The following TFAP2E variants were observed in gnomAD, a reference collection of about 807,000 sequenced individuals.
TFAP2E encodes transcription factor AP-2 epsilon.
In TFAP2E, 30 loss-of-function variants were observed where a neutral mutation model predicts 37.9. The observed-to-expected ratio is 0.79, with a 90% CI of 0.59 to 1.07. The LOEUF is 1.07. TFAP2E is among the 50% of genes least tolerant of loss of function. The pLI is 0.00. For missense variants in TFAP2E, 567 were observed against 637.9 expected (o/e 0.89, Z 1.20); for synonymous variants, 318 against 295.8 (o/e 1.08, Z -0.77).
chr1:35,586,731 A>C (rs1271760341), intron 3 of TFAP2E, among the ~76,000 whole-genome samples: 1 of 152,120 alleles, frequency 6.6e-6, no homozygotes, highest in Non-Finnish European at 1.5e-5. Flanking sequence ...AGAGGGTATC[A>C]CAGAGGTTTC....
chr1:35,581,800 G>A (rs1464949487), intron 3 of TFAP2E, among the ~76,000 whole-genome samples: 1 of 151,892 alleles, frequency 6.6e-6, no homozygotes, highest in Non-Finnish European at 1.5e-5. Context: ...CTGAACTCCC[G>A]ACCTCAGGTG....
chr1:35,591,764 G>GCAA (rs989278333), intron 6 of TFAP2E, among the ~76,000 whole-genome samples: 12 of 152,292 alleles, frequency 7.9e-5, no homozygotes, highest in Non-Finnish European at 1.5e-4. Flanking sequence ...TCAGCTCACT[G>GCAA]CAACCTCCAC....
chr1:35,594,658 T>C lies in TFAP2E; in HGVS notation c.1311T>C (p.Asp437=), dbSNP rs1210271867. The C allele has an allele frequency of 3.7e-6, 6 of 1,614,026 alleles. No individual in the cohort carries two copies. Among genetic ancestry groups the C allele is most frequent in the Non-Finnish European group, 5.1e-6 (6 of 1,180,034 alleles). The change falls in exon 7 of 7, where the codon GAT becomes GAC. Residue 437 remains aspartate, a synonymous_variant. Coordinates refer to ENST00000373235, the MANE Select transcript of TFAP2E (RefSeq NM_178548.4). ...GHGETKASEK[D]AKHRK is the part of the protein sequence containing the mutation. ...GTGAAACCAAGGCTTCGGAGAAGGA[T>C]GCCAAGCATCGGAAATAACTGCTTC... is the stretch of plus-strand genomic sequence containing the variant.
intron 6 of TFAP2E, among the ~76,000 whole-genome samples, chr1:35,593,951 G>A (rs1235185990): frequency 1.3e-5 from 2 of 152,172 alleles, no homozygotes; most frequent in African/African-American, 4.8e-5. Context: ...CAGTGTGGTT[G>A]GCACAGCATC....
rs1469161285 is a variant in TFAP2E, at chr1:35,588,510, C to T, written c.743C>T (p.Pro248Leu). ...VGEVQRRLSPPECLNASLLGG... is the reference protein window; with the variant it reads ...VGEVQRRLSPLECLNASLLGG... ...GAGGTGCAGCGGCGACTCTCGCCTC[C>T]CGAGTGCCTCAACGCCTCCCTCCTG... The change falls in exon 4 of 7, where the codon CCC (proline) becomes CTC (leucine). Residue 248 changes from proline to leucine, a missense_variant. Coordinates refer to ENST00000373235, the MANE Select transcript of TFAP2E (RefSeq NM_178548.4). The surrounding 1 kb of genome is among the most constrained non-coding windows in gnomAD (Gnocchi z 5.1). 1 of 1,604,578 alleles carries T rather than the reference C, an allele frequency of 6.2e-7. No individual in the cohort carries two copies. Among genetic ancestry groups the T allele is most frequent in the Admixed American group, 1.7e-5 (1 of 59,860 alleles).
At chr1:35,592,619 C>T (rs1045564378) in intron 6 of TFAP2E, among the ~76,000 whole-genome samples, 1 of 152,130 alleles carries the variant, frequency 6.6e-6, no homozygotes, top group African/African-American at 2.4e-5. Flanking sequence ...TCTCAAACTC[C>T]CGACCTCACA....
intron 2 of TFAP2E, 121 bp from the exon 3 acceptor site, chr1:35,574,828 C>G: frequency 1.5e-6 from 2 of 1,377,414 alleles, no homozygotes; most frequent in Non-Finnish European, 2.1e-6. Context: ...CCCGTCGCCG[C>G]CCCAAGCGAA....
rs1440495313 is a variant in TFAP2E at position 35,590,034 on chromosome 1, C to T, written c.890C>T (p.Thr297Ile). The T allele has an allele frequency of 6.2e-7, 1 of 1,614,018 alleles. No homozygotes were observed. The highest frequency in any genetic ancestry group is 1.1e-5 in the South Asian group (1 of 91,054). The change falls in exon 5 of 7, where the codon ACT (threonine) becomes ATT (isoleucine). Residue 297 changes from threonine to isoleucine, a missense_variant. By Grantham distance (89) the Thr-to-Ile change is moderately conservative (BLOSUM62 -1). Transcript: ENST00000373235. This position sits in a 1 kb window ranked among gnomAD's most constrained non-coding sequence, Gnocchi z 6.2. The part of the protein sequence containing the change: ...RRKAANVTLL[T>I]SLVEGEAVHL... ...AAGGCCGCCAATGTGACGCTGCTGA[C>T]TTCGCTAGTGGAAGGTGAGTGAGGC...
intron 3 of TFAP2E, among the ~76,000 whole-genome samples, chr1:35,587,550 A>G (rs1284326518): frequency 6.8e-6 from 1 of 147,992 alleles, no homozygotes; most frequent in Non-Finnish European, 1.5e-5. Context: ...AGGCAGAAGA[A>G]TCGCTTGAAC....
chr1:35,574,480 G>A lies in TFAP2E; in HGVS notation c.510+71G>A, dbSNP rs1649112032. 5 of 1,349,112 alleles carry A rather than the reference G, an allele frequency of 3.7e-6. No homozygotes were observed. In the South Asian group the frequency reaches 9.0e-5, roughly 24 times the overall value. The allele number at this position is 1,349,112 out of a possible 1,614,324, so 83.6% of individuals were successfully genotyped here. On this transcript the variant is annotated intron_variant, in intron 2 of 6. Coordinates refer to ENST00000373235, the MANE Select transcript of TFAP2E (RefSeq NM_178548.4). ...TTTACTACCATGGCTGGAGGCAGAA[G>A]GTGACAAATGCAGGAAGCCGACTTT...
At chr1:35,579,161 C>T (rs1364456356) in intron 3 of TFAP2E, among the ~76,000 whole-genome samples, 2 of 145,952 alleles carry the variant, frequency 1.4e-5, no homozygotes, top group Non-Finnish European at 3.0e-5. Context: ...TTTGGGAGGC[C>T]GAGGCGGGTG....
chr1:35,574,665 C>A, intron 2 of TFAP2E: 2 of 676,444 alleles, frequency 3.0e-6, no homozygotes, highest in Non-Finnish European at 4.9e-6. Context: ...TTTCTCCCCG[C>A]TGCCACGTGT....
At chr1:35,574,449 C>A in intron 2 of TFAP2E, 40 bp downstream of exon 2, 1 of 1,366,414 alleles carries the variant, frequency 7.3e-7, no homozygotes, top group Non-Finnish European at 9.4e-7. Context: ...GGACTGGCCG[C>A]GGTGGTTTAC....
In TFAP2E at chr1:35,577,885, G is replaced by A. The variant is rs113182917; in HGVS notation, c.562+2885G>A. Among the ~76,000 whole-genome samples, 32 of 152,230 alleles carry A rather than the reference G, an allele frequency of 2.1e-4. No individual in the cohort carries two copies. The highest frequency in any genetic ancestry group is 4.3e-4 in the Non-Finnish European group (29 of 68,038). Reference sequence around the variant, plus strand: ...GGCAGGGCTGAGGCCGACCCTAGGAGTATAAGGGAGCCCTCCATTTCCTGC... The same window carrying A: ...GGCAGGGCTGAGGCCGACCCTAGGAATATAAGGGAGCCCTCCATTTCCTGC... On this transcript the variant is annotated intron_variant, in intron 3 of 6. Coordinates refer to ENST00000373235, the MANE Select transcript of TFAP2E (RefSeq NM_178548.4). This position sits in a 1 kb window ranked among gnomAD's most constrained non-coding sequence, Gnocchi z 6.3.
At chr1:35,591,535 C>G (rs1365741313) in intron 6 of TFAP2E, among the ~76,000 whole-genome samples, 2 of 152,194 alleles carry the variant, frequency 1.3e-5, no homozygotes, top group Non-Finnish European at 2.9e-5. Context: ...TGGACCTTCA[C>G]CCCAGAGCGT....
intron 3 of TFAP2E, among the ~76,000 whole-genome samples, chr1:35,587,039 A>G (rs934926418): frequency 6.6e-6 from 1 of 152,184 alleles, no homozygotes; most frequent in East Asian, 1.9e-4. Flanking sequence ...GGGAATAGTG[A>G]TAAGTGTAGC....
chr1:35,589,785 A>G (rs1649598601), intron 4 of TFAP2E, 145 bp from the exon 5 acceptor site: 2 of 777,848 alleles, frequency 2.6e-6, no homozygotes, highest in Non-Finnish European at 4.3e-6. Flanking sequence ...CCCTTGCTGA[A>G]AGAGACCTCA....
chr1:35,595,140 AAGG>A lies in TFAP2E; in HGVS notation c.*468_*470del. ...CCTACCCCCAGAAAAGGGGTGCTGG[AAGG>A]AGGCCCCAGTGGACTCTTTGTACCC... On this transcript the variant is annotated 3_prime_UTR_variant, in exon 7 of 7. Transcript: ENST00000373235. 1 of 208,474 alleles carries A rather than the reference AAGG, an allele frequency of 4.8e-6. No homozygotes were observed. Among genetic ancestry groups the A allele is most frequent in the Admixed American group, 5.7e-5 (1 of 17,566 alleles). The allele number at this position is 208,474 out of a possible 1,614,324, so 12.9% of individuals were successfully genotyped here.
chr1:35,590,515 G>C lies in TFAP2E; in HGVS notation c.905-119G>C, dbSNP rs1649627258. On this transcript the variant is annotated intron_variant, in intron 5 of 6. Coordinates refer to ENST00000373235, the MANE Select transcript of TFAP2E (RefSeq NM_178548.4). The surrounding 1 kb of genome is among the most constrained non-coding windows in gnomAD (Gnocchi z 6.2). The stretch of plus-strand genomic sequence containing the variant: ...AGCTGGGCTGGGAAGGAACATCAGA[G>C]GGGGCATCTACACAGGCAGGATGGG... 2 of 1,194,674 alleles carry C rather than the reference G, an allele frequency of 1.7e-6. No homozygotes were observed. The highest frequency in any genetic ancestry group is 5.1e-5 in the South Asian group (2 of 39,044). The allele number at this position is 1,194,674 out of a possible 1,614,324, so 74.0% of individuals were successfully genotyped here. A position where few individuals can be genotyped will look rare whatever the true frequency, so the allele number is the denominator to read the frequency against.
Sources: gnomAD v4.1 joint callset for allele counts (sites outside exome capture counted in the v4.1 genomes callset) on GRCh38, gnomAD v4.1.1 for gene constraint, Gnocchi (gnomAD v3.1) non-coding constraint, MANE v1.5 for transcripts, NCBI Gene and HGNC (gene_info 2026-07-23, HGNC 2026-07-21) for gene names.